Variants in CREB5 observed in about 807,000 individuals in gnomAD.
CREB5 encodes cyclic AMP-responsive element-binding protein 5.
Under a neutral mutation model 57.1 loss-of-function variants are expected in CREB5, and 19 were observed. The ratio of observed to expected loss-of-function variants is 0.33; its 90% CI spans 0.23 to 0.49. The LOEUF is 0.49. Ranked by LOEUF, CREB5 falls within the 20% of genes least tolerant of loss-of-function variation. The pLI is 0.99. For missense variants in CREB5, 579 were observed against 671.6 expected (o/e 0.86, Z 1.52); for synonymous variants, 238 against 238.3 (o/e 1.00, Z 0.01).
chr7:28,411,164 G>A (rs1216902969), upstream of CREB5, among the ~76,000 whole-genome samples: 2 of 152,164 alleles, frequency 1.3e-5, no homozygotes, highest in African/African-American at 2.4e-5. Context: ...GGCAAATCAG[G>A]AAATGTTTGC....
At chr7:28,442,597 G>A (rs898001295) in intron 1 of CREB5, among the ~76,000 whole-genome samples, 19 of 151,914 alleles carry the variant, frequency 1.3e-4, no homozygotes, top group Admixed American at 1.1e-3. Context: ...CCCTTTTCCC[G>A]CATCCACACT....
intron 3 of CREB5, among the ~76,000 whole-genome samples, chr7:28,499,084 G>A (rs1792171616): frequency 6.7e-6 from 1 of 150,178 alleles, no homozygotes; most frequent in Admixed American, 6.7e-5. Context: ...TATTTCCATG[G>A]TAGTACGGGT....
At chr7:28,448,461 A>G (rs753424537) in intron 1 of CREB5, among the ~76,000 whole-genome samples, 5 of 152,198 alleles carry the variant, frequency 3.3e-5, no homozygotes, top group Non-Finnish European at 5.9e-5. Flanking sequence ...CAAGACACCA[A>G]TGCAGGCTCT....
chr7:28,410,420 T>A, upstream of CREB5: 1 of 456,752 alleles, frequency 2.2e-6, no homozygotes, highest in Non-Finnish European at 4.4e-6. Context: ...GCAGAATCAC[T>A]TGAACTTTTC....
In CREB5 at chr7:28,438,152, T is replaced by C. The variant is rs549719378; in HGVS notation, c.3+25235T>C. Among the ~76,000 whole-genome samples the C allele has an allele frequency of 5.9e-5, 9 of 152,322 alleles. No homozygotes were observed. The East Asian group carries it at 1.7e-3, about 29-fold the overall frequency. ...CTACCTAGGGTCACATTGATTGTTA[T>C]GTAACAGACTTTCACCCAAGAGTAG... On this transcript the variant is annotated intron_variant, in intron 1 of 10. Coordinates refer to ENST00000357727, the MANE Select transcript of CREB5 (RefSeq NM_182898.4).
chr7:28,660,128 A>C (rs572941658), intron 5 of CREB5, among the ~76,000 whole-genome samples: 5 of 152,328 alleles, frequency 3.3e-5, no homozygotes, highest in South Asian at 2.1e-4. Flanking sequence ...GATGCCAAAA[A>C]TGTGCTGTGC....
chr7:28,375,892 A>G (rs1176436898), intron 1 of CREB5, among the ~76,000 whole-genome samples: 1 of 152,182 alleles, frequency 6.6e-6, no homozygotes, highest in African/African-American at 2.4e-5. Flanking sequence ...GGTAAGTACT[A>G]TCATTACTCC....
At chr7:28,710,481 T>A (rs1045318918) in intron 5 of CREB5, among the ~76,000 whole-genome samples, 2 of 152,262 alleles carry the variant, frequency 1.3e-5, no homozygotes, top group African/African-American at 4.8e-5. Flanking sequence ...GAGACATTTT[T>A]AAAAATTACT....
At chr7:28,396,038 G>T (rs925052055) in intron 1 of CREB5, among the ~76,000 whole-genome samples, 7 of 152,166 alleles carry the variant, frequency 4.6e-5, no homozygotes, top group African/African-American at 1.7e-4. Context: ...CCTAGAAACA[G>T]CAGGATTGCC....
At chr7:28,700,943 T>C (rs537572858) in intron 5 of CREB5, among the ~76,000 whole-genome samples, 1 of 143,648 alleles carries the variant, frequency 7.0e-6, no homozygotes, top group East Asian at 2.0e-4. Context: ...ATAATTAAGA[T>C]AGGTTCCCAG....
chr7:28,758,874 GT>G (rs1167132747), intron 7 of CREB5, among the ~76,000 whole-genome samples: 2 of 149,528 alleles, frequency 1.3e-5, no homozygotes, highest in East Asian at 3.9e-4. Context: ...AATTAGTTTT[GT>G]TAGTTGACTT....
chr7:28,328,638 A>G (rs542800388), intron 1 of CREB5, among the ~76,000 whole-genome samples: 13 of 152,228 alleles, frequency 8.5e-5, no homozygotes, highest in Non-Finnish European at 1.8e-4. Flanking sequence ...TTCCAAGTTT[A>G]GAGGGCGTCT....
chr7:28,432,175 G>T (rs371517806), intron 1 of CREB5, among the ~76,000 whole-genome samples: 2 of 152,090 alleles, frequency 1.3e-5, no homozygotes, highest in Non-Finnish European at 2.9e-5. Flanking sequence ...GAGTTGGAGC[G>T]TTGTGTGTTT....
chr7:28,525,582 T>G (rs1476188824), intron 4 of CREB5, among the ~76,000 whole-genome samples: 2 of 152,182 alleles, frequency 1.3e-5, no homozygotes, highest in African/African-American at 4.8e-5. Context: ...TGATTAGTGA[T>G]GGTGAGCATT....
intron 7 of CREB5, among the ~76,000 whole-genome samples, chr7:28,775,565 T>TATATATATATATATATATATTTA (rs1232967788): frequency 6.9e-6 from 1 of 144,572 alleles, no homozygotes; most frequent in African/African-American, 2.5e-5. Context: ...TATATATATA[T>TATATATATATATATATATATTTA]TAGCGTATTT....
intron 5 of CREB5, among the ~76,000 whole-genome samples, chr7:28,578,599 T>C (rs1042144238): frequency 2.0e-5 from 3 of 152,254 alleles, no homozygotes; most frequent in African/African-American, 7.2e-5. Flanking sequence ...TTTTATATTC[T>C]ATAATACTAT....
At chr7:28,446,388 C>T (rs1252238618) in intron 1 of CREB5, among the ~76,000 whole-genome samples, 41 of 152,176 alleles carry the variant, frequency 2.7e-4, no homozygotes, top group Admixed American at 2.7e-3. Context: ...GTCTTCATCG[C>T]CCTTTTCTTT....
intron 4 of CREB5, among the ~76,000 whole-genome samples, chr7:28,552,100 G>T (rs1383722782): frequency 6.8e-6 from 1 of 147,246 alleles, no homozygotes. Context: ...GGAGTGCAAT[G>T]GTGCAATCTC....
At chr7:28,766,114 G>T (rs1427677517) in intron 7 of CREB5, among the ~76,000 whole-genome samples, 1 of 151,818 alleles carries the variant, frequency 6.6e-6, no homozygotes, top group Non-Finnish European at 1.5e-5. Context: ...ATATTTGTAT[G>T]TTCCTTAGCA....
Sources: allele counts gnomAD v4.1 joint callset (sites outside exome capture counted in the v4.1 genomes callset), GRCh38; gene constraint gnomAD v4.1.1; transcripts MANE v1.5; gene names NCBI Gene and HGNC (gene_info 2026-07-23, HGNC 2026-07-21).